The following NHSL1 variants were observed in gnomAD, a reference collection of about 807,000 sequenced individuals.
The protein encoded by NHSL1 is NHS like 1.
Under a neutral mutation model 95.0 loss-of-function variants are expected in NHSL1, and 48 were observed. The ratio of observed to expected loss-of-function variants is 0.51; its 90% confidence interval spans 0.40 to 0.64. The LOEUF is 0.64. Ranked by LOEUF, NHSL1 falls within the 30% of genes least tolerant of loss-of-function variation. The probability of loss-of-function intolerance (pLI) is 0.00; values close to 1 mark genes in which losing one functional copy is unlikely to be tolerated. For synonymous variants in NHSL1, 783 were observed against 833.9 expected, an observed-to-expected ratio of 0.94 and a Z score of 1.05; for missense variants, 1,971 against 2,077.7, an observed-to-expected ratio of 0.95 and a Z score of 1.00.
At chr6:138,499,609 T>C (rs754956270), upstream of NHSL1, 9 of 259,844 alleles carry the variant, frequency 3.5e-5, no homozygotes, top group Admixed American at 9.6e-5. Flanking sequence ...CACATCAGGC[T>C]TTCTGCCTCA....
chr6:138,665,742 A>G (rs1385843901), intron 1 of NHSL1, among the ~76,000 whole-genome samples: 1 of 152,074 alleles, frequency 6.6e-6, no homozygotes. Flanking sequence ...TCAGTTTTCT[A>G]TTGCATCCTA....
At chr6:138,448,593 TC>T (rs1314906397) in intron 3 of NHSL1, among the ~76,000 whole-genome samples, 1 of 152,194 alleles carries the variant, frequency 6.6e-6, no homozygotes, top group African/African-American at 2.4e-5. Flanking sequence ...ATTTGAACTT[TC>T]TGTAAAGGGA....
intron 1 of NHSL1, among the ~76,000 whole-genome samples, chr6:138,542,210 G>A (rs766460310): frequency 6.6e-6 from 1 of 152,292 alleles, no homozygotes; most frequent in South Asian, 2.1e-4. Context: ...TGATGCTACC[G>A]AAAGCCAAGA....
At chr6:138,576,339 A>G (rs1783971981), upstream of NHSL1, among the ~76,000 whole-genome samples, 1 of 152,170 alleles carries the variant, frequency 6.6e-6, no homozygotes, top group African/African-American at 2.4e-5. Context: ...AAATAACTTC[A>G]GCTATAATCT....
chr6:138,607,554 T>G (rs1784451143), intron 1 of NHSL1, among the ~76,000 whole-genome samples: 1 of 152,338 alleles, frequency 6.6e-6, no homozygotes, highest in African/African-American at 2.4e-5. Flanking sequence ...TGATCAGGAT[T>G]AAAATTGTGA....
intron 7 of NHSL1, among the ~76,000 whole-genome samples, chr6:138,426,648 G>A (rs955444804): frequency 7.9e-5 from 12 of 152,214 alleles, no homozygotes; most frequent in African/African-American, 2.6e-4. Context: ...GGGCAGCATG[G>A]GCCCATGCTG....
intron 1 of NHSL1, among the ~76,000 whole-genome samples, chr6:138,670,010 A>T (rs1349905221): frequency 6.6e-6 from 1 of 152,158 alleles, no homozygotes; most frequent in Non-Finnish European, 1.5e-5. Context: ...AATCCCAGCT[A>T]CTTGGGAGAC....
At chr6:138,589,755 C>T (rs566502919) in intron 1 of NHSL1, among the ~76,000 whole-genome samples, 11 of 152,008 alleles carry the variant, frequency 7.2e-5, no homozygotes, top group Non-Finnish European at 1.0e-4. Context: ...TGCTGACAAC[C>T]TCTGATCCTC....
At chr6:138,531,211 A>C (rs1782118850) in intron 1 of NHSL1, among the ~76,000 whole-genome samples, 2 of 152,028 alleles carry the variant, frequency 1.3e-5, no homozygotes, top group African/African-American at 4.8e-5. Flanking sequence ...CAAAAATTAA[A>C]CTGTTTGTCT....
At chr6:138,505,259 C>T (rs1011268000) in intron 1 of NHSL1, among the ~76,000 whole-genome samples, 17 of 152,156 alleles carry the variant, frequency 1.1e-4, no homozygotes, top group African/African-American at 4.1e-4. Context: ...TAAAAAGGGT[C>T]ATTTTCAAAT....
At chr6:138,544,351 A>T (rs2128326574) in intron 1 of NHSL1, among the ~76,000 whole-genome samples, 1 of 152,108 alleles carries the variant, frequency 6.6e-6, no homozygotes, top group South Asian at 2.1e-4. Context: ...GACTCCTTGG[A>T]AATCCACTGC....
chr6:138,513,325 T>C (rs1781315505), intron 1 of NHSL1, among the ~76,000 whole-genome samples: 1 of 151,698 alleles, frequency 6.6e-6, no homozygotes, highest in Non-Finnish European at 1.5e-5. Context: ...TAAACAAAAA[T>C]GTCCACACAT....
rs1004366182 is a variant in NHSL1, at chr6:138,659,918, G to A, written c.96+32558C>T. On this transcript the variant is annotated intron_variant, in intron 1 of 3. Coordinates refer to the NHSL1 transcript ENST00000491526. ...TTTGGTAGAGATGGGGTTTCACCCTGTTGGCCAGGCTGGTCTCAAACTCCT... is the reference window on the plus strand; with the variant it reads ...TTTGGTAGAGATGGGGTTTCACCCTATTGGCCAGGCTGGTCTCAAACTCCT... Among the ~76,000 whole-genome samples, 14 of 152,256 alleles carry A rather than the reference G, an allele frequency of 9.2e-5. No homozygotes were observed. In the East Asian group the frequency reaches 2.7e-3, roughly 29 times the overall value.
chr6:138,692,804 C>G (rs888869130), upstream of NHSL1, among the ~76,000 whole-genome samples: 1 of 150,692 alleles, frequency 6.6e-6, no homozygotes, highest in African/African-American at 2.4e-5. The surrounding 1 kb of genome is among the most constrained non-coding windows in gnomAD (Gnocchi z 4.0). Flanking sequence ...CTCAGTCTGC[C>G]TCCCGTCGGC....
upstream of NHSL1, among the ~76,000 whole-genome samples, chr6:138,546,915 C>T (rs532288273): frequency 2.6e-5 from 4 of 152,318 alleles, no homozygotes; most frequent in South Asian, 8.3e-4. Flanking sequence ...ACAAATACTG[C>T]CTCAGGAGCA....
At chr6:138,437,435 CACACACACACAAAA>C (rs1776245097) in intron 5 of NHSL1, among the ~76,000 whole-genome samples, 1 of 39,442 alleles carries the variant, frequency 2.5e-5, no homozygotes, top group African/African-American at 9.9e-5. Flanking sequence ...CACACACACA[CACACACACACAAAA>C]AAAAAAAAAA....
chr6:138,538,485 C>T (rs1462217768), intron 1 of NHSL1, among the ~76,000 whole-genome samples: 1 of 152,190 alleles, frequency 6.6e-6, no homozygotes, highest in Non-Finnish European at 1.5e-5. Flanking sequence ...CTGCCAGGCT[C>T]GTCAGCCAGG....
chr6:138,645,567 G>A (rs1785009453), intron 1 of NHSL1, among the ~76,000 whole-genome samples: 1 of 150,178 alleles, frequency 6.7e-6, no homozygotes, highest in Admixed American at 6.7e-5. Context: ...GAGTGCAGCA[G>A]TGTGATCTCA....
intron 1 of NHSL1, among the ~76,000 whole-genome samples, chr6:138,647,856 C>T (rs1295961699): frequency 6.6e-6 from 1 of 152,134 alleles, no homozygotes; most frequent in African/African-American, 2.4e-5. Flanking sequence ...CCTCGGCCTC[C>T]CAAAATGCTG....
Sources: gnomAD v4.1 joint callset for allele counts (sites outside exome capture counted in the v4.1 genomes callset) on GRCh38, gnomAD v4.1.1 for gene constraint, Gnocchi (gnomAD v3.1) non-coding constraint, MANE v1.5 for transcripts, NCBI Gene and HGNC (gene_info 2026-07-23, HGNC 2026-07-21) for gene names.